Variants in ERBB4 observed in about 807,000 individuals in gnomAD.
ERBB4 encodes receptor tyrosine-protein kinase erbB-4.
A neutral mutation model predicts 158.0 loss-of-function variants in ERBB4; 42 were observed. That is an observed-to-expected ratio of 0.27 (90% CI 0.21 to 0.34). ERBB4 has a LOEUF of 0.34. Ranked by LOEUF, ERBB4 falls within the 10% of genes least tolerant of loss-of-function variation. The pLI is 1.00. For synonymous variants in ERBB4, 583 were observed against 558.7 expected, an observed-to-expected ratio of 1.04 and a Z score of -0.61; for missense variants, 1,333 against 1,624.1, an observed-to-expected ratio of 0.82 and a Z score of 3.08.
intron 1 of ERBB4, among the ~76,000 whole-genome samples, chr2:212,522,084 G>T (rs780593548): frequency 5.3e-5 from 8 of 152,030 alleles, no homozygotes; most frequent in Middle Eastern, 3.4e-3. Flanking sequence ...TACTTCTTAG[G>T]AGTTTTCATT....
At position 211,586,493 on chromosome 2, in the gene ERBB4, C is replaced by T. The variant is rs6726926; in HGVS notation, c.2302-24405G>A. On this transcript the variant is annotated intron_variant, in intron 19 of 27. Transcript: ENST00000342788. The stretch of plus-strand genomic sequence containing the variant: ...ATTGATCTGGTCAGCAAGTTGTTTT[C>T]GGTTCCTGCCATATCTTGTAGTGGG... 9.7e-3 allele frequency among the ~76,000 whole-genome samples: 1,479 copies of T among 152,190 alleles called. 23 individuals carry two copies. The highest frequency in any genetic ancestry group is 0.032 in the African/African-American group (1,344 of 41,528).
chr2:212,305,687 A>G (rs2086785714), intron 1 of ERBB4, among the ~76,000 whole-genome samples: 1 of 151,460 alleles, frequency 6.6e-6, no homozygotes, highest in African/African-American at 2.4e-5. Context: ...GGATTAAAAT[A>G]TCACCACAAA....
At chr2:211,852,108 T>A (rs1257995044) in intron 3 of ERBB4, among the ~76,000 whole-genome samples, 1 of 151,980 alleles carries the variant, frequency 6.6e-6, no homozygotes, top group Non-Finnish European at 1.5e-5. Flanking sequence ...TCATTCTATG[T>A]CAGTCTCTTT....
At chr2:211,471,172 T>G (rs1027247160) in intron 20 of ERBB4, among the ~76,000 whole-genome samples, 1 of 151,816 alleles carries the variant, frequency 6.6e-6, no homozygotes, top group Non-Finnish European at 1.5e-5. Context: ...GAGGGAGAGA[T>G]GAGACAATGA....
At chr2:212,213,665 T>C (rs889181469) in intron 1 of ERBB4, among the ~76,000 whole-genome samples, 1 of 151,876 alleles carries the variant, frequency 6.6e-6, no homozygotes, top group African/African-American at 2.4e-5. Context: ...AATGCACTCA[T>C]TCAATTTCTT....
intron 3 of ERBB4, among the ~76,000 whole-genome samples, chr2:211,792,991 CT>C (rs1393153859): frequency 2.6e-5 from 4 of 151,722 alleles, no homozygotes; most frequent in Non-Finnish European, 5.9e-5. Context: ...TGAATAATAG[CT>C]TTTTTTCTCT....
At chr2:211,572,863 T>C (rs1048125446) in intron 19 of ERBB4, among the ~76,000 whole-genome samples, 6 of 152,174 alleles carry the variant, frequency 3.9e-5, no homozygotes, top group African/African-American at 1.2e-4. Context: ...GATATGGTCA[T>C]TGATGGCAAA....
intron 2 of ERBB4, among the ~76,000 whole-genome samples, chr2:212,033,464 C>T (rs578040630): frequency 6.6e-6 from 1 of 151,586 alleles, no homozygotes; most frequent in South Asian, 2.1e-4. Flanking sequence ...TTGCAAAGAG[C>T]CTAAATTTTA....
chr2:211,522,318 G>A (rs987484122), intron 20 of ERBB4, among the ~76,000 whole-genome samples: 3 of 152,150 alleles, frequency 2.0e-5, no homozygotes, highest in Non-Finnish European at 4.4e-5. Context: ...GAAAGTAACT[G>A]TATATAAATG....
chr2:211,871,560 A>AT (rs2078346804), intron 3 of ERBB4, among the ~76,000 whole-genome samples: 1 of 151,678 alleles, frequency 6.6e-6, no homozygotes. Context: ...ATTGTGGGAC[A>AT]TTTTTAGAGC....
chr2:211,449,691 A>G (rs1366309090), intron 20 of ERBB4, among the ~76,000 whole-genome samples: 5 of 152,214 alleles, frequency 3.3e-5, no homozygotes, highest in African/African-American at 1.2e-4. Context: ...GTTTAATAAA[A>G]AGAAAGCTAA....
intron 4 of ERBB4, among the ~76,000 whole-genome samples, chr2:211,764,508 A>G (rs2075500097): frequency 1.3e-5 from 2 of 152,192 alleles, no homozygotes; most frequent in Admixed American, 6.6e-5. Flanking sequence ...TTTATTATGT[A>G]CAAGGCATGG....
At chr2:211,869,648 AT>A (rs879835314) in intron 3 of ERBB4, among the ~76,000 whole-genome samples, 2 of 152,192 alleles carry the variant, frequency 1.3e-5, no homozygotes, top group Admixed American at 6.5e-5. Flanking sequence ...TAGGAAAAAA[AT>A]AATGCAAAAA....
intron 1 of ERBB4, among the ~76,000 whole-genome samples, chr2:212,491,142 T>C (rs1690255671): frequency 6.6e-6 from 1 of 151,554 alleles, no homozygotes. Context: ...TGATCATAAG[T>C]ATAAGAAAGG....
intron 1 of ERBB4, among the ~76,000 whole-genome samples, chr2:212,375,629 A>T (rs2090293189): frequency 6.6e-6 from 1 of 152,096 alleles, no homozygotes; most frequent in South Asian, 2.1e-4. Flanking sequence ...GGGGGACTTC[A>T]AAAACTTCAT....
At chr2:211,698,823 A>G (rs1019675191) in intron 12 of ERBB4, among the ~76,000 whole-genome samples, 1 of 152,144 alleles carries the variant, frequency 6.6e-6, no homozygotes, top group African/African-American at 2.4e-5. Context: ...TTATAAACCT[A>G]CTCTAAAACT....
At chr2:212,177,345 A>G (rs2081702688) in intron 1 of ERBB4, among the ~76,000 whole-genome samples, 1 of 151,940 alleles carries the variant, frequency 6.6e-6, no homozygotes, top group Admixed American at 6.6e-5. Context: ...ACTAAGAACT[A>G]TGCATCAAAT....
intron 1 of ERBB4, among the ~76,000 whole-genome samples, chr2:212,457,947 ATTTT>A: frequency 6.6e-6 from 1 of 151,886 alleles, no homozygotes; most frequent in East Asian, 1.9e-4. Context: ...ATTATTTATT[ATTTT>A]TTATTATTCA....
At chr2:211,633,116 G>T (rs1384958932) in intron 16 of ERBB4, among the ~76,000 whole-genome samples, 4 of 152,016 alleles carry the variant, frequency 2.6e-5, no homozygotes, top group African/African-American at 9.7e-5. Context: ...TCATGAAAAA[G>T]GTGCTGATGT....
Sources: gnomAD v4.1 joint callset for allele counts (sites outside exome capture counted in the v4.1 genomes callset) on GRCh38, gnomAD v4.1.1 for gene constraint, MANE v1.5 for transcripts, NCBI Gene and HGNC (gene_info 2026-07-23, HGNC 2026-07-21) for gene names.